The following SPAG16 variants were observed in gnomAD, a reference collection of about 807,000 sequenced individuals.
SPAG16 encodes the protein sperm associated antigen 16.
In SPAG16, 86 loss-of-function variants were observed where a neutral mutation model predicts 80.4. That is an observed-to-expected ratio of 1.07 (90% confidence interval 0.90 to 1.28). The LOEUF (loss-of-function observed/expected upper bound fraction) is 1.28, where lower values mean the gene tolerates loss of function less well. SPAG16 is among the 50% of genes most tolerant of loss of function. SPAG16 has a pLI of 0.00. For missense variants in SPAG16, 870 were observed against 765.3 expected, an observed-to-expected ratio of 1.14 and a Z score of -1.61; for synonymous variants, 294 against 265.9, an observed-to-expected ratio of 1.11 and a Z score of -1.03.
At chr2:214,201,332 AG>A (rs1177583530) in intron 15 of SPAG16, among the ~76,000 whole-genome samples, 1 of 152,220 alleles carries the variant, frequency 6.6e-6, no homozygotes, top group Non-Finnish European at 1.5e-5. Context: ...TACTTGTAAT[AG>A]GGGAAATTAA....
intron 14 of SPAG16, among the ~76,000 whole-genome samples, chr2:214,122,339 A>C (rs1229041976): frequency 1.3e-5 from 2 of 151,872 alleles, no homozygotes. Flanking sequence ...TAAATGTTTT[A>C]AATTTGATCT....
intron 10 of SPAG16, among the ~76,000 whole-genome samples, chr2:213,740,519 C>A (rs754205788): frequency 9.9e-5 from 15 of 152,152 alleles, no homozygotes; most frequent in Non-Finnish European, 1.8e-4. Context: ...TGGTAGATTG[C>A]GTTGTAGTTC....
chr2:214,302,743 G>T (rs187144399), intron 15 of SPAG16, among the ~76,000 whole-genome samples: 1 of 152,024 alleles, frequency 6.6e-6, no homozygotes, highest in African/African-American at 2.4e-5. Context: ...TCAGCCTCCC[G>T]AAGTGCTGGG....
chr2:213,743,149 C>T (rs1209191695), intron 10 of SPAG16, among the ~76,000 whole-genome samples: 3 of 150,212 alleles, frequency 2.0e-5, no homozygotes, highest in Admixed American at 1.3e-4. Context: ...GTGATCCACC[C>T]GCGTCAGCCT....
At chr2:213,708,921 A>G (rs2065867523) in intron 10 of SPAG16, among the ~76,000 whole-genome samples, 1 of 152,212 alleles carries the variant, frequency 6.6e-6, no homozygotes, top group African/African-American at 2.4e-5. Context: ...TAAGATCTTC[A>G]TGTGGGTTGA....
At position 214,108,273 on chromosome 2, in the gene SPAG16, T is replaced by C; in HGVS notation, c.1593+12T>C. 2.5e-6 allele frequency: 4 copies of C among 1,598,098 alleles called. No homozygotes were observed. Among genetic ancestry groups the C allele is most frequent in the Non-Finnish European group, 3.4e-6 (4 of 1,168,876 alleles). ...TTTTTGATCCCAGGGTAAGTTCAGT[T>C]CTCCCAGTAAACTGTTTTTAATGCT... On this transcript the variant is annotated intron_variant, in intron 14 of 15. Transcript: ENST00000331683.
chr2:213,407,596 G>GGAGAGAGAGA (rs66674310), intron 9 of SPAG16, among the ~76,000 whole-genome samples: 25 of 102,100 alleles, frequency 2.4e-4, no homozygotes, highest in African/African-American at 7.3e-4. Context: ...GAGAGAGACA[G>GGAGAGAGAGA]GAGAGAGAGA....
intron 14 of SPAG16, among the ~76,000 whole-genome samples, chr2:214,143,667 T>C (rs1015492154): frequency 6.6e-6 from 1 of 152,214 alleles, no homozygotes; most frequent in Non-Finnish European, 1.5e-5. Context: ...CTTTCTACTT[T>C]CTTTATATTT....
intron 13 of SPAG16, among the ~76,000 whole-genome samples, chr2:214,085,265 G>C (rs568257602): frequency 1.3e-5 from 2 of 151,790 alleles, no homozygotes; most frequent in Non-Finnish European, 2.9e-5. Context: ...CCAGCTGCTC[G>C]AGAGGCTGAG....
intron 13 of SPAG16, among the ~76,000 whole-genome samples, chr2:214,078,001 A>G (rs1055158615): frequency 1.3e-5 from 2 of 152,170 alleles, no homozygotes; most frequent in African/African-American, 4.8e-5. Context: ...GCGTTTGCAC[A>G]TTAATCCTTA....
At chr2:213,686,933 T>G (rs1559376509) in intron 10 of SPAG16, among the ~76,000 whole-genome samples, 1 of 152,112 alleles carries the variant, frequency 6.6e-6, no homozygotes, top group Non-Finnish European at 1.5e-5. Flanking sequence ...TCTGCCCACC[T>G]CGGCCTCCCA....
At chr2:213,307,843 A>T (rs2063016090) in intron 3 of SPAG16, among the ~76,000 whole-genome samples, 3 of 152,060 alleles carry the variant, frequency 2.0e-5, no homozygotes, top group Non-Finnish European at 2.9e-5. Context: ...CCTCTCCAGC[A>T]CCTGTTGTTT....
At chr2:214,120,725 T>C in intron 14 of SPAG16, among the ~76,000 whole-genome samples, 1 of 151,874 alleles carries the variant, frequency 6.6e-6, no homozygotes, top group Non-Finnish European at 1.5e-5. Context: ...CTTTATTACT[T>C]GACTGCTAAA....
chr2:213,439,790 A>G (rs1301829955), intron 9 of SPAG16, among the ~76,000 whole-genome samples: 2 of 152,218 alleles, frequency 1.3e-5, no homozygotes, highest in African/African-American at 4.8e-5. Context: ...TTAATAAGTG[A>G]ATTTAGCAAA....
At chr2:213,386,324 A>T (rs538259329) in intron 9 of SPAG16, among the ~76,000 whole-genome samples, 149 of 152,246 alleles carry the variant, frequency 9.8e-4, no homozygotes, top group African/African-American at 3.3e-3. Context: ...ATATATATAT[A>T]TTTTGGTTGG....
At chr2:213,848,887 TA>T (rs1263442798) in intron 10 of SPAG16, among the ~76,000 whole-genome samples, 1 of 152,140 alleles carries the variant, frequency 6.6e-6, no homozygotes, top group Non-Finnish European at 1.5e-5. Context: ...AATATGATAA[TA>T]GAAACTTATT....
intron 10 of SPAG16, among the ~76,000 whole-genome samples, chr2:213,817,314 CAGATGCTGGTGAGACTAACAGAGAAA>C (rs560685375): frequency 5.1e-4 from 76 of 148,280 alleles, no homozygotes; most frequent in Non-Finnish European, 9.2e-4. Context: ...TAAAAAACAG[CAGATGCTGGTGAGACTAACAGAGAAA>C]AGATGCTGGT....
At chr2:214,022,570 A>G (rs1337486567) in intron 13 of SPAG16, among the ~76,000 whole-genome samples, 3 of 152,090 alleles carry the variant, frequency 2.0e-5, no homozygotes, top group African/African-American at 7.2e-5. Context: ...GTCATGCCAT[A>G]TAATTGTTTA....
intron 15 of SPAG16, among the ~76,000 whole-genome samples, chr2:214,218,787 C>A (rs960129428): frequency 1.6e-4 from 25 of 152,278 alleles, no homozygotes; most frequent in African/African-American, 5.8e-4. Flanking sequence ...GAACAGGTGG[C>A]AAAGCTAGTG....
Sources: allele counts gnomAD v4.1 joint callset (sites outside exome capture counted in the v4.1 genomes callset), GRCh38; gene constraint gnomAD v4.1.1; transcripts MANE v1.5; gene names NCBI Gene and HGNC (gene_info 2026-07-23, HGNC 2026-07-21).